Variants in GSK3B observed in about 807,000 individuals in gnomAD.
GSK3B encodes the protein glycogen synthase kinase-3 beta.
GSK3B carries 15 observed loss-of-function variants against 56.4 expected under a neutral mutation model. That is an observed-to-expected ratio of 0.27 (90% CI 0.18 to 0.41). The LOEUF (loss-of-function observed/expected upper bound fraction) is 0.41, where lower values mean the gene tolerates loss of function less well. GSK3B is among the 10% of genes least tolerant of loss of function. The pLI is 1.00. For synonymous variants in GSK3B, 181 were observed against 188.9 expected, an observed-to-expected ratio of 0.96 and a Z score of 0.34; for missense variants, 300 against 513.4, an observed-to-expected ratio of 0.58 and a Z score of 4.02.
chr3:120,057,316 G>A (rs960587796), intron 1 of GSK3B, among the ~76,000 whole-genome samples: 2 of 152,134 alleles, frequency 1.3e-5, no homozygotes, highest in Non-Finnish European at 2.9e-5. Flanking sequence ...GTAAATCCTA[G>A]TAACGTGACT....
chr3:119,833,756 C>T (rs1324101861), intron 10 of GSK3B, among the ~76,000 whole-genome samples: 6 of 138,528 alleles, frequency 4.3e-5, no homozygotes, highest in East Asian at 2.1e-4. Flanking sequence ...AGTGCAGTGG[C>T]GCAATCTCAG....
Position 120,003,685 on chromosome 3 carries a change from T to C in GSK3B, c.89-1446A>G, listed in dbSNP as rs146013640. ...ATATTATAACCAATATTTATATCCATTTAAATTCACAGAAGTATTAATATA... is the reference window on the plus strand; with the variant it reads ...ATATTATAACCAATATTTATATCCACTTAAATTCACAGAAGTATTAATATA... On this transcript the variant is annotated intron_variant, in intron 1 of 10. Coordinates refer to ENST00000264235, the MANE Select transcript of GSK3B (RefSeq NM_001146156.2). 2.0e-5 allele frequency among the ~76,000 whole-genome samples: 3 copies of C among 152,352 alleles called. No individual in the cohort carries two copies. In the East Asian group the frequency reaches 5.8e-4, roughly 29 times the overall value.
intron 2 of GSK3B, among the ~76,000 whole-genome samples, chr3:119,980,685 T>C (rs1216942175): frequency 6.6e-6 from 1 of 152,170 alleles, no homozygotes; most frequent in Non-Finnish European, 1.5e-5. Flanking sequence ...GAAATATTAA[T>C]ATTGGTTTAA....
At chr3:119,934,654 C>T (rs2056977364) in intron 3 of GSK3B, among the ~76,000 whole-genome samples, 1 of 152,144 alleles carries the variant, frequency 6.6e-6, no homozygotes, top group Admixed American at 6.5e-5. Flanking sequence ...TAATAATTAA[C>T]TAACTGTAAC....
In GSK3B at chr3:119,889,189, C is replaced by T. The variant is rs183319689; in HGVS notation, c.814-12681G>A. 3.5e-4 allele frequency among the ~76,000 whole-genome samples: 53 copies of T among 152,128 alleles called. 1 individual carries two copies. Among genetic ancestry groups the T allele is most frequent in the African/African-American group, 8.7e-4 (36 of 41,530 alleles). The stretch of plus-strand genomic sequence containing the variant: ...TCCTTAATAAAACTTGCTGGTTTTG[C>T]AGCTCAGGTGGGCATCACGGTTCTA... On this transcript the variant is annotated intron_variant, in intron 7 of 10. Transcript: ENST00000264235.
At chr3:119,867,379 T>C (rs1024102027) in intron 8 of GSK3B, among the ~76,000 whole-genome samples, 2 of 152,178 alleles carry the variant, frequency 1.3e-5, no homozygotes, top group African/African-American at 2.4e-5. Flanking sequence ...CTTTTTCTAT[T>C]GTGGGCTTTG....
At chr3:119,942,529 G>A (rs116202981) in intron 3 of GSK3B, among the ~76,000 whole-genome samples, 2,285 of 152,074 alleles carry the variant, frequency 0.015, 53 homozygotes, top group African/African-American at 0.051. Context: ...CGATTCAACC[G>A]CCACGGCCTC....
chr3:119,825,623 A>G lies in GSK3B; in HGVS notation c.*1165T>C. On this transcript the variant is annotated 3_prime_UTR_variant, in exon 11 of 11. Transcript: ENST00000264235. ...TATTTCTACCATCTGACATGCATCA[A>G]TAAATAAATGTAAAAAGCATGAGGT... The G allele has an allele frequency of 4.4e-6, 1 of 228,962 alleles. No homozygotes were observed. Among genetic ancestry groups the G allele is most frequent in the Non-Finnish European group, 8.7e-6 (1 of 115,468 alleles). The allele number at this position is 228,962 out of a possible 1,614,324, so 14.2% of individuals were successfully genotyped here. A position where few individuals can be genotyped will look rare whatever the true frequency, so the allele number is the denominator to read the frequency against.
chr3:119,997,436 G>GT (rs1484297993), intron 2 of GSK3B, among the ~76,000 whole-genome samples: 1 of 152,096 alleles, frequency 6.6e-6, no homozygotes, highest in African/African-American at 2.4e-5. Flanking sequence ...GATTAAAAAA[G>GT]TAAGAAAAGT....
At position 119,904,644 on chromosome 3, in the gene GSK3B, C is replaced by T. The variant is rs80299223; in HGVS notation, c.813+1111G>A. Among the ~76,000 whole-genome samples, 3 of 152,100 alleles carry T rather than the reference C, an allele frequency of 2.0e-5. No homozygotes were observed. In the East Asian group the frequency reaches 5.8e-4, roughly 29 times the overall value. On this transcript the variant is annotated intron_variant, in intron 7 of 10. Transcript: ENST00000264235. ...TCCTATGTTCAACTGGTAGAAGCTA[C>T]TGAGGAGTTACAGCTCAGTACAATA...
At chr3:119,933,647 T>A (rs991291299) in intron 3 of GSK3B, among the ~76,000 whole-genome samples, 2 of 151,472 alleles carry the variant, frequency 1.3e-5, no homozygotes, top group African/African-American at 4.9e-5. Context: ...GAGGCCGAGG[T>A]GGGTGGATCA....
intron 1 of GSK3B, among the ~76,000 whole-genome samples, chr3:120,048,105 G>A (rs545837407): frequency 3.9e-5 from 6 of 152,078 alleles, no homozygotes; most frequent in Non-Finnish European, 5.9e-5. Context: ...GTCTAGAACC[G>A]TTAAAGCCAA....
chr3:120,003,581 A>C (rs1424621808), intron 1 of GSK3B, among the ~76,000 whole-genome samples: 3 of 152,214 alleles, frequency 2.0e-5, no homozygotes, highest in Non-Finnish European at 4.4e-5. Context: ...ATAAAAGAAA[A>C]GTAATATAAT....
chr3:120,069,929 G>A (rs1013018417), intron 1 of GSK3B, among the ~76,000 whole-genome samples: 2 of 152,032 alleles, frequency 1.3e-5, no homozygotes, highest in African/African-American at 4.8e-5. Flanking sequence ...TAAATATAGG[G>A]GAAGGCCAGG....
At chr3:120,053,726 C>T (rs2058170148) in intron 1 of GSK3B, among the ~76,000 whole-genome samples, 1 of 152,170 alleles carries the variant, frequency 6.6e-6, no homozygotes, top group Non-Finnish European at 1.5e-5. Flanking sequence ...TCATGGGGCA[C>T]ATCTTTCCCA....
intron 1 of GSK3B, among the ~76,000 whole-genome samples, chr3:120,069,646 A>G (rs1422790516): frequency 7.1e-6 from 1 of 141,262 alleles, no homozygotes; most frequent in Non-Finnish European, 1.5e-5. Context: ...CATACAGACT[A>G]GCCTGAAAAC....
chr3:119,871,566 A>C (rs953533439), intron 8 of GSK3B, among the ~76,000 whole-genome samples: 2 of 152,230 alleles, frequency 1.3e-5, no homozygotes, highest in Admixed American at 6.5e-5. Context: ...GGATAATCAT[A>C]AAGAACTTAG....
At chr3:119,999,781 GA>G in intron 2 of GSK3B, among the ~76,000 whole-genome samples, 1 of 152,292 alleles carries the variant, frequency 6.6e-6, no homozygotes, top group Non-Finnish European at 1.5e-5. Flanking sequence ...AGTGATAGAA[GA>G]GCTGAATAAA....
rs150749634 is a variant in GSK3B at position 119,919,847 on chromosome 3, G to GACAC, written c.477+3522_477+3525dup. Among the ~76,000 whole-genome samples the GACAC allele has an allele frequency of 6.5e-3, 962 of 148,566 alleles. 6 individuals carry two copies. The highest frequency in any genetic ancestry group is 0.011 in the Non-Finnish European group (716 of 66,882). ...GTAATATGGTAGCCATAAAGAAGGT[G>GACAC]ACACACACACACACACACACGAAAA... On this transcript the variant is annotated intron_variant, in intron 4 of 10. Transcript: ENST00000264235.
Sources: gnomAD v4.1 joint callset for allele counts (sites outside exome capture counted in the v4.1 genomes callset) on GRCh38, gnomAD v4.1.1 for gene constraint, MANE v1.5 for transcripts, NCBI Gene and HGNC (gene_info 2026-07-23, HGNC 2026-07-21) for gene names.